LEO1: variants seen among roughly 807,000 people sequenced by gnomAD.
LEO1 encodes the protein LEO1 component of Paf1/RNA polymerase II complex.
A neutral mutation model predicts 80.4 loss-of-function variants in LEO1; 34 were observed. The observed-to-expected ratio is 0.42, with a 90% CI of 0.32 to 0.56. The LOEUF (loss-of-function observed/expected upper bound fraction) is 0.56, where lower values mean the gene tolerates loss of function less well. LEO1 is among the 20% of genes least tolerant of loss of function. LEO1 has a pLI of 0.10. For synonymous variants in LEO1, 262 were observed against 274.9 expected, an observed-to-expected ratio of 0.95 and a Z score of 0.46; for missense variants, 631 against 814.2, an observed-to-expected ratio of 0.77 and a Z score of 2.74.
intron 5 of LEO1, 59 bp downstream of exon 5, chr15:51,959,840 A>G: frequency 7.1e-7 from 1 of 1,412,726 alleles, no homozygotes; most frequent in Non-Finnish European, 9.4e-7. Context: ...AATAAGAAAA[A>G]TAAACATTCT....
At chr15:51,953,748 T>C (rs1156977311) in intron 7 of LEO1, among the ~76,000 whole-genome samples, 2 of 152,014 alleles carry the variant, frequency 1.3e-5, no homozygotes, top group Non-Finnish European at 2.9e-5. Flanking sequence ...AACTAACACA[T>C]GCTGGGATGT....
intron 1 of LEO1, among the ~76,000 whole-genome samples, chr15:51,968,828 C>CAA (rs796663598): frequency 6.8e-5 from 9 of 133,086 alleles, no homozygotes; most frequent in Non-Finnish European, 1.1e-4. Context: ...GACTCCGTCT[C>CAA]AAAAAAAAAA....
chr15:51,947,420 CTTT>C, intron 10 of LEO1, 31 bp from the exon 11 acceptor site: 4 of 1,191,196 alleles, frequency 3.4e-6, no homozygotes, highest in Non-Finnish European at 3.5e-6. Context: ...TGTGAGTCAC[CTTT>C]TTTTTTTTCT....
At chr15:51,939,769 T>C (rs2056832466) in intron 11 of LEO1, among the ~76,000 whole-genome samples, 1 of 152,202 alleles carries the variant, frequency 6.6e-6, no homozygotes, top group Non-Finnish European at 1.5e-5. Flanking sequence ...AGCTCTAAAA[T>C]CCTTTAATGA....
intron 1 of LEO1, among the ~76,000 whole-genome samples, chr15:51,968,530 A>G (rs1414590363): frequency 6.7e-6 from 1 of 149,236 alleles, no homozygotes; most frequent in Non-Finnish European, 1.5e-5. Flanking sequence ...TCTGTCTCCA[A>G]AAAAAAAAAG....
chr15:51,943,183 G>A (rs1170805923), intron 11 of LEO1, among the ~76,000 whole-genome samples: 4 of 151,768 alleles, frequency 2.6e-5, no homozygotes, highest in Admixed American at 2.6e-4. Context: ...TTCAAGACCA[G>A]CCTGGCCAAC....
chr15:51,948,584 A>G (rs2056921271), intron 10 of LEO1, among the ~76,000 whole-genome samples: 1 of 152,208 alleles, frequency 6.6e-6, no homozygotes, highest in African/African-American at 2.4e-5. Context: ...TGTTTTAAAA[A>G]TTTACTTGTT....
At chr15:51,949,456 T>C (rs1308132265) in intron 10 of LEO1, among the ~76,000 whole-genome samples, 3 of 152,094 alleles carry the variant, frequency 2.0e-5, no homozygotes, top group African/African-American at 7.2e-5. Flanking sequence ...TCCCAGTACT[T>C]TGGGAGGCCA....
At chr15:51,956,740 C>T (rs1049404684) in intron 6 of LEO1, among the ~76,000 whole-genome samples, 1 of 152,292 alleles carries the variant, frequency 6.6e-6, no homozygotes, top group East Asian at 1.9e-4. Flanking sequence ...CTATCACACA[C>T]CAAGGTTTTA....
At chr15:51,954,753 A>C in intron 6 of LEO1, 178 bp from the exon 7 acceptor site, 1 of 559,046 alleles carries the variant, frequency 1.8e-6, no homozygotes. Context: ...TGGATAAATT[A>C]AAAGCAGGGA....
Position 51,963,632 on chromosome 15 carries a change from T to G in LEO1, c.815-1139A>C, listed in dbSNP as rs563032097. 5.2e-4 allele frequency among the ~76,000 whole-genome samples: 79 copies of G among 152,220 alleles called. 1 individual carries two copies. The South Asian group carries it at 0.015, about 29-fold the overall frequency. On this transcript the variant is annotated intron_variant, in intron 2 of 11. Coordinates refer to ENST00000299601, the MANE Select transcript of LEO1 (RefSeq NM_138792.4). ...CAGCCCTACTTTCGGCCAGGCATGG[T>G]GGCTCTTGCCTGTAATCCCAGCACT...
Position 51,949,857 on chromosome 15 carries a change from C to T in LEO1, c.1749G>A (p.Glu583=). The T allele has an allele frequency of 6.2e-7, 1 of 1,614,024 alleles. No homozygotes were observed. Among genetic ancestry groups the T allele is most frequent in the East Asian group, 2.2e-5 (1 of 44,872 alleles). ...TTTTAATGGCAGCCAAGCTGATGGA[C>T]TCCTCGCCTTCCTCCTCCTCATCGT... ...DRYDEEEEGE[E]SISLAAIKNR... The change falls in exon 10 of 12, where the codon GAG becomes GAA. Residue 583 remains glutamate, a synonymous_variant. Transcript: ENST00000299601.
intron 9 of LEO1, 55 bp from the exon 10 acceptor site, chr15:51,950,049 C>G: frequency 7.1e-7 from 1 of 1,409,132 alleles, no homozygotes; most frequent in Non-Finnish European, 9.6e-7. Context: ...TTTGTGCCCA[C>G]TTGAACCCAC....
chr15:51,958,701 A>G (rs2057007906), intron 6 of LEO1, 41 bp downstream of exon 6: 1 of 1,270,806 alleles, frequency 7.9e-7, no homozygotes, highest in Non-Finnish European at 1.1e-6. Context: ...TCCAGGTTTT[A>G]CTTTATAAAA....
chr15:51,940,672 T>G (rs2056843458), intron 11 of LEO1, among the ~76,000 whole-genome samples: 2 of 151,930 alleles, frequency 1.3e-5, no homozygotes, highest in African/African-American at 4.8e-5. Flanking sequence ...AACGCAGGGC[T>G]TTGGGAGGCC....
chr15:51,949,863 G>A lies in LEO1; in HGVS notation c.1743C>T (p.Gly581=), dbSNP rs2056933532. The stretch of plus-strand genomic sequence containing the variant: ...TGGCAGCCAAGCTGATGGACTCCTC[G>A]CCTTCCTCCTCCTCATCGTATCGAT... ...EPDRYDEEEE[G]EESISLAAIK... is the part of the protein sequence containing the mutation. The change falls in exon 10 of 12, where the codon GGC becomes GGT. Residue 581 remains glycine, a synonymous_variant. Coordinates refer to ENST00000299601, the MANE Select transcript of LEO1 (RefSeq NM_138792.4). 1.2e-6 allele frequency: 2 copies of A among 1,613,898 alleles called. No individual in the cohort carries two copies. The highest frequency in any genetic ancestry group is 1.7e-6 in the Non-Finnish European group (2 of 1,179,990).
At chr15:51,945,530 T>C (rs1055546113) in intron 11 of LEO1, among the ~76,000 whole-genome samples, 3 of 152,180 alleles carry the variant, frequency 2.0e-5, no homozygotes, top group African/African-American at 7.2e-5. Context: ...CTGAACAGCA[T>C]TTCTAAAAGT....
Position 51,949,899 on chromosome 15 carries a change from G to A in LEO1, c.1707C>T (p.Tyr569=), listed in dbSNP as rs148021221. The A allele has an allele frequency of 6.2e-7, 1 of 1,614,036 alleles. No individual in the cohort carries two copies. The highest frequency in any genetic ancestry group is 2.2e-5 in the East Asian group (1 of 44,880). Residue 569 remains tyrosine, a synonymous_variant, in exon 10 of 12, where the codon TAC becomes TAT. Transcript: ENST00000299601. ...CCTCATCGTATCGATCAGGTTCCAGGTAACTGGCGCTCAGCCCCCGCTGGT... is the reference window on the plus strand; with the variant it reads ...CCTCATCGTATCGATCAGGTTCCAGATAACTGGCGCTCAGCCCCCGCTGGT... ...KQHQRGLSAS[Y]LEPDRYDEEE...
chr15:51,957,630 G>C (rs897985924), intron 6 of LEO1, among the ~76,000 whole-genome samples: 1 of 152,128 alleles, frequency 6.6e-6, no homozygotes, highest in African/African-American at 2.4e-5. Flanking sequence ...AGGTTATTTA[G>C]GTAGTTGTTA....
Sources: allele counts gnomAD v4.1 joint callset (sites outside exome capture counted in the v4.1 genomes callset), GRCh38; gene constraint gnomAD v4.1.1; transcripts MANE v1.5; gene names NCBI Gene and HGNC (gene_info 2026-07-23, HGNC 2026-07-21).